The following TUSC3 variants were observed in gnomAD, a reference collection of about 807,000 sequenced individuals.
TUSC3 encodes the protein dolichyl-diphosphooligosaccharide--protein glycosyltransferase subunit TUSC3.
A neutral mutation model predicts 44.8 loss-of-function variants in TUSC3; 45 were observed. The ratio of observed to expected loss-of-function variants is 1.00; its 90% CI spans 0.79 to 1.29. The LOEUF (loss-of-function observed/expected upper bound fraction) is 1.29, where lower values mean the gene tolerates loss of function less well. Among genes scored for constraint, TUSC3 ranks in the 50% most tolerant of loss-of-function variants. TUSC3 has a pLI of 0.00. For synonymous variants in TUSC3, 212 were observed against 152.9 expected, an observed-to-expected ratio of 1.39 and a Z score of -2.85; for missense variants, 519 against 437.9, an observed-to-expected ratio of 1.19 and a Z score of -1.65.
At chr8:15,449,350 G>A (rs187121062) in intron 1 of TUSC3, among the ~76,000 whole-genome samples, 8 of 152,164 alleles carry the variant, frequency 5.3e-5, no homozygotes, top group Non-Finnish European at 1.2e-4. Context: ...GCTCAAGCGT[G>A]GAGTTTTTTG....
chr8:15,449,442 C>A (rs1487224310), intron 1 of TUSC3, among the ~76,000 whole-genome samples: 3 of 152,108 alleles, frequency 2.0e-5, no homozygotes, highest in African/African-American at 7.2e-5. Context: ...AACCACCCCG[C>A]CATGGCTGGT....
intron 1 of TUSC3, among the ~76,000 whole-genome samples, chr8:15,438,709 C>T (rs1799982471): frequency 6.6e-6 from 1 of 152,172 alleles, no homozygotes; most frequent in Non-Finnish European, 1.5e-5. Flanking sequence ...GAATAACAGT[C>T]CTTGCTCTTA....
At chr8:15,558,699 A>T (rs1011719960) in intron 1 of TUSC3, among the ~76,000 whole-genome samples, 1 of 121,492 alleles carries the variant, frequency 8.2e-6, no homozygotes, top group Non-Finnish European at 1.8e-5. Context: ...TTATTGGTCT[A>T]TTCAGAGATT....
At chr8:15,774,666 G>A in the TUSC3 span, among the ~76,000 whole-genome samples, 2 of 152,084 alleles carry the variant, frequency 1.3e-5, no homozygotes, top group African/African-American at 4.8e-5. Context: ...AATACAATGA[G>A]CCAAGGTCTT....
the TUSC3 span, among the ~76,000 whole-genome samples, chr8:15,794,601 C>G: frequency 6.6e-6 from 1 of 152,076 alleles, no homozygotes. Flanking sequence ...ATAGCATAGC[C>G]AGAATAACAG....
intron 2 of TUSC3, among the ~76,000 whole-genome samples, chr8:15,504,621 A>ATATATATATATT (rs1345504233): frequency 4.9e-5 from 1 of 20,298 alleles, no homozygotes; most frequent in Non-Finnish European, 8.1e-5. Context: ...ATATATATAT[A>ATATATATATATT]TTTTTTTTTT....
At chr8:15,762,787 A>G (rs1242077831) in intron 10 of TUSC3, among the ~76,000 whole-genome samples, 1 of 152,070 alleles carries the variant, frequency 6.6e-6, no homozygotes, top group Non-Finnish European at 1.5e-5. Flanking sequence ...TCAAAACATA[A>G]TGCCACAGTT....
At chr8:15,427,229 C>CTTTT (rs765417646) in intron 1 of TUSC3, among the ~76,000 whole-genome samples, 5 of 144,718 alleles carry the variant, frequency 3.5e-5, no homozygotes, top group African/African-American at 5.1e-5. Flanking sequence ...AAGGTTTTTC[C>CTTTT]TTTTTTTTTT....
intron 1 of TUSC3, among the ~76,000 whole-genome samples, chr8:15,560,593 G>C (rs1802423907): frequency 7.2e-6 from 1 of 138,282 alleles, no homozygotes; most frequent in Non-Finnish European, 1.6e-5. Flanking sequence ...ATATCCTGCA[G>C]AGTGTTTTCC....
intron 2 of TUSC3, among the ~76,000 whole-genome samples, chr8:15,629,221 T>C (rs978457443): frequency 4.6e-5 from 7 of 152,116 alleles, no homozygotes; most frequent in African/African-American, 1.7e-4. Context: ...AGTGAGATTA[T>C]AGAGGGATGC....
chr8:15,425,449 G>A (rs1446831800), intron 1 of TUSC3, among the ~76,000 whole-genome samples: 1 of 152,184 alleles, frequency 6.6e-6, no homozygotes, highest in Non-Finnish European at 1.5e-5. Context: ...AAGACTTCTG[G>A]ACCGAGAGAG....
At chr8:15,587,357 A>G (rs893247582) in intron 1 of TUSC3, among the ~76,000 whole-genome samples, 1 of 152,122 alleles carries the variant, frequency 6.6e-6, no homozygotes, top group Non-Finnish European at 1.5e-5. Flanking sequence ...TTATAACATT[A>G]TGTTTTGTTA....
At chr8:15,610,856 A>T (rs888119468) in intron 1 of TUSC3, among the ~76,000 whole-genome samples, 3 of 152,134 alleles carry the variant, frequency 2.0e-5, no homozygotes, top group Non-Finnish European at 2.9e-5. Flanking sequence ...AGATGGTCAA[A>T]ATGTGGATCT....
chr8:15,710,373 T>G (rs751037033), intron 6 of TUSC3, among the ~76,000 whole-genome samples: 4 of 151,866 alleles, frequency 2.6e-5, no homozygotes, highest in Non-Finnish European at 5.9e-5. Flanking sequence ...TTTTGTGTCT[T>G]CTAGTATAGG....
intron 6 of TUSC3, among the ~76,000 whole-genome samples, chr8:15,686,381 G>C (rs1305654291): frequency 1.3e-5 from 2 of 151,984 alleles, no homozygotes; most frequent in African/African-American, 4.8e-5. Context: ...AATTTTCACT[G>C]CATTACAATT....
the TUSC3 span, among the ~76,000 whole-genome samples, chr8:15,799,289 T>C: frequency 1.3e-5 from 2 of 152,158 alleles, no homozygotes; most frequent in African/African-American, 4.8e-5. Flanking sequence ...ACAATTATCC[T>C]AGTTCTGCCC....
chr8:15,809,411 C>G, the TUSC3 span, among the ~76,000 whole-genome samples: 1 of 152,106 alleles, frequency 6.6e-6, no homozygotes, highest in African/African-American at 2.4e-5. Flanking sequence ...GTAAAGGTCC[C>G]TTAAACAAAA....
At chr8:15,745,538 A>G (rs1014312268) in intron 8 of TUSC3, among the ~76,000 whole-genome samples, 31 of 151,812 alleles carry the variant, frequency 2.0e-4, no homozygotes, top group African/African-American at 6.5e-4. Context: ...TTTGATTTGC[A>G]TTTCTCTGCT....
At chr8:15,569,684 A>T (rs1030793884) in intron 1 of TUSC3, among the ~76,000 whole-genome samples, 1 of 152,126 alleles carries the variant, frequency 6.6e-6, no homozygotes, top group Non-Finnish European at 1.5e-5. Context: ...TCGTTACGTG[A>T]GTTAGAGGTA....
Sources: gnomAD v4.1 joint callset for allele counts (sites outside exome capture counted in the v4.1 genomes callset) on GRCh38, gnomAD v4.1.1 for gene constraint, MANE v1.5 for transcripts, NCBI Gene and HGNC (gene_info 2026-07-23, HGNC 2026-07-21) for gene names.